Variants in OLFM1 observed in about 807,000 individuals in gnomAD.
OLFM1 encodes the protein noelin.
OLFM1 carries 9 observed loss-of-function variants against 49.7 expected under a neutral mutation model. The observed-to-expected ratio is 0.18, with a 90% CI of 0.11 to 0.32. The LOEUF is 0.32. OLFM1 is among the 10% of genes least tolerant of loss of function. OLFM1 has a pLI of 1.00. For synonymous variants in OLFM1, 240 were observed against 271.8 expected (o/e 0.88, Z 1.15); for missense variants, 369 against 661.8 (o/e 0.56, Z 4.85).
At chr9:135,091,863 ACT>A (rs1491380070) in intron 2 of OLFM1, among the ~76,000 whole-genome samples, 27,024 of 136,744 alleles carry the variant, frequency 0.2, 2,766 homozygotes, top group East Asian at 0.45. Context: ...AGTCACACAC[ACT>A]CACACACAGT....
At chr9:135,082,836 C>T (rs753287805), upstream of OLFM1, among the ~76,000 whole-genome samples, 2 of 152,168 alleles carry the variant, frequency 1.3e-5, no homozygotes, top group African/African-American at 4.8e-5. Context: ...TGGCTAAGAA[C>T]GTTTCCGAGG....
At chr9:135,100,435 G>T (rs1229623872) in intron 4 of OLFM1, among the ~76,000 whole-genome samples, 1 of 152,184 alleles carries the variant, frequency 6.6e-6, no homozygotes, top group African/African-American at 2.4e-5. Flanking sequence ...AAAGAGAGAG[G>T]GTTAACAGGC....
chr9:135,087,484 T>C, upstream of OLFM1: 2 of 1,497,160 alleles, frequency 1.3e-6, no homozygotes, highest in Non-Finnish European at 1.8e-6. Context: ...CGTCTCCTCA[T>C]GTCACCCTGA....
intron 1 of OLFM1, among the ~76,000 whole-genome samples, chr9:135,089,205 GGCCT>G (rs1304004164): frequency 6.6e-6 from 1 of 152,184 alleles, no homozygotes; most frequent in East Asian, 1.9e-4. Context: ...ACTTTGTTCC[GGCCT>G]GCCGGTCCCG....
At position 135,078,738 on chromosome 9, in the gene OLFM1, C is replaced by T. The variant is rs552308978; in HGVS notation, c.96+2936C>T. ...GGGACTCCCTGGGCTCCAGGCCCAC[C>T]GCCACACCCCCCAGGCTTCCCTTCA... On this transcript the variant is annotated intron_variant, in intron 1 of 5. Coordinates refer to the OLFM1 transcript ENST00000252854. Among the ~76,000 whole-genome samples the T allele has an allele frequency of 1.6e-4, 25 of 152,286 alleles. No homozygotes were observed. The South Asian group carries it at 4.8e-3, about 29-fold the overall frequency.
chr9:135,097,704 G>A (rs1830819593), intron 3 of OLFM1: 1 of 1,174,078 alleles, frequency 8.5e-7, no homozygotes, highest in Non-Finnish European at 1.3e-6. Context: ...ATGCAAATAT[G>A]TGTTTCCTGA....
intron 1 of OLFM1, chr9:135,076,155 G>A: frequency 1.3e-6 from 2 of 1,550,100 alleles, no homozygotes; most frequent in East Asian, 2.4e-5. Context: ...GTGAGAGCCG[G>A]ATAGCCAAGA....
At chr9:135,081,009 T>C (rs984480603) in intron 1 of OLFM1, among the ~76,000 whole-genome samples, 2 of 151,674 alleles carry the variant, frequency 1.3e-5, no homozygotes, top group African/African-American at 4.8e-5. Flanking sequence ...AGATAAATAA[T>C]GTAAGAAACT....
intron 1 of OLFM1, 52 bp from the exon 2 acceptor site, chr9:135,090,143 A>G (rs1352430413): frequency 2.6e-6 from 4 of 1,528,688 alleles, no homozygotes; most frequent in Non-Finnish European, 3.6e-6. Context: ...ACACAACCTC[A>G]TGGTCTCCCT....
chr9:135,098,045 C>T lies in OLFM1; in HGVS notation c.457-241C>T. 7 of 1,423,084 alleles carry T rather than the reference C, an allele frequency of 4.9e-6. No individual in the cohort carries two copies. The highest frequency in any genetic ancestry group is 6.4e-6 in the Non-Finnish European group (7 of 1,096,418). The allele number at this position is 1,423,084 out of a possible 1,614,324, so 88.2% of individuals were successfully genotyped here. A position where few individuals can be genotyped will look rare whatever the true frequency, so the allele number is the denominator to read the frequency against. On this transcript the variant is annotated intron_variant, in intron 3 of 5. Transcript: ENST00000371793. The surrounding 1 kb of genome is among the most constrained non-coding windows in gnomAD (Gnocchi z 5.6). ...GAAAAAAAAAACTTCGTGTATGTGA[C>T]TCAAAGCATGTAACCTTAAGATGTT...
At chr9:135,082,620 C>T (rs1169339064) in intron 1 of OLFM1, among the ~76,000 whole-genome samples, 3 of 152,170 alleles carry the variant, frequency 2.0e-5, no homozygotes, top group Non-Finnish European at 4.4e-5. Context: ...CAGCCTCCTT[C>T]CCAGCCCCAA....
In OLFM1 at chr9:135,110,674, C is replaced by G. The variant is rs142705472; in HGVS notation, c.783+3819C>G. Among the ~76,000 whole-genome samples the G allele has an allele frequency of 6.9e-3, 1,054 of 152,286 alleles. 8 individuals carry two copies. Among genetic ancestry groups the G allele is most frequent in the African/African-American group, 0.024 (1,001 of 41,552 alleles). ...ACTTCTCAGTGTGAGGAGGGACCTT[C>G]CCAGGACCGAGAACCGTTGTCTGTT... On this transcript the variant is annotated intron_variant, in intron 5 of 5. Transcript: ENST00000371793.
In OLFM1 at chr9:135,106,846, C is replaced by T. The variant is rs557820013; in HGVS notation, c.774C>T (p.Gly258=). ...TGACAGACCCTCTCGCCCCTGAAGG[C>T]GATAACCGGGTGAGTGTCCCCTTAT... ...SWMTDPLAPE[G]DNRVWYMDGY... Residue 258 remains glycine (G), a synonymous_variant, in exon 5 of 6, where the codon GGC becomes GGT. Transcript: ENST00000371793. 10 of 1,608,962 alleles carry T rather than the reference C, an allele frequency of 6.2e-6. No individual in the cohort carries two copies. The highest frequency in any genetic ancestry group is 4.4e-5 in the South Asian group (4 of 90,282).
chr9:135,076,690 C>G (rs1483180876), intron 1 of OLFM1: 10 of 1,376,396 alleles, frequency 7.3e-6, no homozygotes, highest in Admixed American at 5.7e-5. Flanking sequence ...ACGCTCTGAA[C>G]TGGGAGACTC....
At chr9:135,090,168 C>G (rs762910925) in intron 1 of OLFM1, 27 bp from the exon 2 acceptor site, 2 of 1,588,344 alleles carry the variant, frequency 1.3e-6, no homozygotes, top group Admixed American at 3.4e-5. Flanking sequence ...CTCCTTCCCT[C>G]TCCCTTCCCG....
rs1042718420 is a variant in OLFM1 at position 135,120,867 on chromosome 9, T to C, written c.*689T>C. ...CAGTTTATGCGATGATTGTTGTAAA[T>C]GCAATGCCGTAGTTTGGATTAATAA... On this transcript the variant is annotated 3_prime_UTR_variant, in exon 6 of 6. Coordinates refer to ENST00000371793, the MANE Select transcript of OLFM1 (RefSeq NM_001282611.2). The C allele has an allele frequency of 6.6e-6, 1 of 152,560 alleles. No homozygotes were observed. Among genetic ancestry groups the C allele is most frequent in the Non-Finnish European group, 1.5e-5 (1 of 68,088 alleles). 9.5% of individuals were successfully genotyped at this position (152,560 alleles called of 1,614,324 possible).
rs567870308 is a variant in OLFM1 at position 135,088,619 on chromosome 9, G to T, written c.150+480G>T. ...CTAGTTTGTAAAAGCCAGACTGGCCGGACCGGGCTGGGAGTGGGGCCCCAG... is the reference window on the plus strand; with the variant it reads ...CTAGTTTGTAAAAGCCAGACTGGCCTGACCGGGCTGGGAGTGGGGCCCCAG... On this transcript the variant is annotated intron_variant, in intron 1 of 5. Transcript: ENST00000371793. The surrounding 1 kb of genome is among the most constrained non-coding windows in gnomAD (Gnocchi z 4.8). 6.6e-6 allele frequency among the ~76,000 whole-genome samples: 1 copy of T among 152,226 alleles called. No homozygotes were observed. The highest frequency in any genetic ancestry group is 2.4e-5 in the African/African-American group (1 of 41,540).
At chr9:135,075,658 C>T in exon 1 of OLFM1, 5 of 1,379,310 alleles carry the variant, frequency 3.6e-6, no homozygotes, top group East Asian at 2.8e-5. Context: ...AGAGCCGGAG[C>T]GCGTCCGCGT....
At chr9:135,091,652 GTC>G (rs1564270700) in intron 2 of OLFM1, among the ~76,000 whole-genome samples, 4 of 27,068 alleles carry the variant, frequency 1.5e-4, no homozygotes, top group Admixed American at 3.5e-4. Context: ...CACTCACATA[GTC>G]ACACACACAC....
Sources: gnomAD v4.1 joint callset for allele counts (sites outside exome capture counted in the v4.1 genomes callset) on GRCh38, gnomAD v4.1.1 for gene constraint, Gnocchi (gnomAD v3.1) non-coding constraint, MANE v1.5 for transcripts, NCBI Gene and HGNC (gene_info 2026-07-23, HGNC 2026-07-21) for gene names.